Variants in CYP7B1 observed in about 807,000 individuals in gnomAD.
The protein encoded by CYP7B1 is cytochrome P450 family 7 subfamily B member 1.
CYP7B1 carries 29 observed loss-of-function variants against 42.7 expected under a neutral mutation model. The observed-to-expected ratio is 0.68, with a 90% CI of 0.51 to 0.93. The LOEUF is 0.93. Among genes scored for constraint, CYP7B1 ranks in the 40% least tolerant of loss-of-function variants. The probability of loss-of-function intolerance (pLI) is 0.00; values close to 1 mark genes in which losing one functional copy is unlikely to be tolerated. For synonymous variants in CYP7B1, 235 were observed against 218.2 expected (o/e 1.08, Z -0.68); for missense variants, 655 against 600.5 (o/e 1.09, Z -0.95).
At chr8:64,698,598 A>T (rs1325595731) in intron 1 of CYP7B1, among the ~76,000 whole-genome samples, 1 of 152,192 alleles carries the variant, frequency 6.6e-6, no homozygotes, top group Non-Finnish European at 1.5e-5. Context: ...AGGACAACAT[A>T]TTCAATATGC....
chr8:64,616,731 A>C (rs1354260711), intron 2 of CYP7B1, among the ~76,000 whole-genome samples: 3 of 152,226 alleles, frequency 2.0e-5, no homozygotes, highest in Admixed American at 2.0e-4. Flanking sequence ...TTTTGTTCAA[A>C]TACAACAATT....
At chr8:64,628,055 C>G (rs1805634998) in intron 1 of CYP7B1, among the ~76,000 whole-genome samples, 1 of 152,110 alleles carries the variant, frequency 6.6e-6, no homozygotes, top group Non-Finnish European at 1.5e-5. Flanking sequence ...GATCAAGTTT[C>G]AAAACTTAAA....
chr8:64,768,038 T>A (rs10957324), intron 1 of CYP7B1, among the ~76,000 whole-genome samples: 47,167 of 151,964 alleles, frequency 0.31, 10,064 homozygotes, highest in African/African-American at 0.61. Flanking sequence ...GGTGACTAAG[T>A]GATGGGACTA....
intron 1 of CYP7B1, among the ~76,000 whole-genome samples, chr8:64,663,858 C>T (rs369739774): frequency 1.2e-3 from 180 of 152,304 alleles, no homozygotes; most frequent in African/African-American, 4.0e-3. Flanking sequence ...CCTTGCCACT[C>T]GGCCTTTTCC....
chr8:64,643,745 C>G (rs1805903667), intron 1 of CYP7B1, among the ~76,000 whole-genome samples: 1 of 152,158 alleles, frequency 6.6e-6, no homozygotes, highest in Non-Finnish European at 1.5e-5. Context: ...ACCCTAAATC[C>G]TTTTTTGTAA....
chr8:64,797,585 G>A (rs1427090122), intron 1 of CYP7B1, among the ~76,000 whole-genome samples: 1 of 152,142 alleles, frequency 6.6e-6, no homozygotes, highest in African/African-American at 2.4e-5. Context: ...ATATTTGTAT[G>A]CAGTACAAAG....
intron 1 of CYP7B1, among the ~76,000 whole-genome samples, chr8:64,749,425 T>C (rs1353736706): frequency 6.6e-6 from 1 of 151,984 alleles, no homozygotes; most frequent in African/African-American, 2.4e-5. Context: ...ATGTAGAAAA[T>C]AGATTAGAAG....
At chr8:64,640,721 A>C (rs1235762438) in intron 1 of CYP7B1, among the ~76,000 whole-genome samples, 1 of 152,170 alleles carries the variant, frequency 6.6e-6, no homozygotes, top group Non-Finnish European at 1.5e-5. Flanking sequence ...GCATCAAATA[A>C]GCAAAAAATA....
intron 1 of CYP7B1, among the ~76,000 whole-genome samples, chr8:64,720,622 G>A (rs1455051666): frequency 6.6e-6 from 1 of 152,080 alleles, no homozygotes; most frequent in African/African-American, 2.4e-5. Flanking sequence ...AGCTCTTTAA[G>A]GTTGGCTATA....
chr8:64,687,330 C>T (rs551917726), intron 1 of CYP7B1, among the ~76,000 whole-genome samples: 65 of 152,238 alleles, frequency 4.3e-4, no homozygotes, highest in African/African-American at 1.5e-3. Flanking sequence ...TACAAAAGAC[C>T]ACACATTGTA....
intron 1 of CYP7B1, among the ~76,000 whole-genome samples, chr8:64,782,679 A>C (rs1273308601): frequency 6.6e-6 from 1 of 152,180 alleles, no homozygotes; most frequent in East Asian, 1.9e-4. Flanking sequence ...TTATGACAAA[A>C]CAGATGAAGT....
At position 64,752,395 on chromosome 8, in the gene CYP7B1, C is replaced by A. The variant is rs1422155772; in HGVS notation, c.122+46071G>T. Among the ~76,000 whole-genome samples, 6 of 148,280 alleles carry A rather than the reference C, an allele frequency of 4.0e-5. No homozygotes were observed. The East Asian group carries it at 1.2e-3, about 30-fold the overall frequency. On this transcript the variant is annotated intron_variant, in intron 1 of 5. Coordinates refer to ENST00000310193, the MANE Select transcript of CYP7B1 (RefSeq NM_004820.5). ...AATTGTGTGTGTGTATGTGCATGTG[C>A]GTGTGTGTGTGTGTGTGTGTGTGTG...
At chr8:64,713,749 C>T (rs1273303407) in intron 1 of CYP7B1, among the ~76,000 whole-genome samples, 2 of 152,008 alleles carry the variant, frequency 1.3e-5, no homozygotes, top group Non-Finnish European at 2.9e-5. Flanking sequence ...TAATTGGAAT[C>T]CCAGAAGGGA....
chr8:64,743,912 A>C (rs1807605262), intron 1 of CYP7B1, among the ~76,000 whole-genome samples: 1 of 152,208 alleles, frequency 6.6e-6, no homozygotes, highest in African/African-American at 2.4e-5. Flanking sequence ...AGAATCCAAT[A>C]ATAAATAAAG....
At position 64,787,624 on chromosome 8, in the gene CYP7B1, T is replaced by C. The variant is rs369924474; in HGVS notation, c.122+10842A>G. Among the ~76,000 whole-genome samples, 11 of 152,322 alleles carry C rather than the reference T, an allele frequency of 7.2e-5. No individual in the cohort carries two copies. The East Asian group carries it at 1.5e-3, about 21-fold the overall frequency. On this transcript the variant is annotated intron_variant, in intron 1 of 5. Transcript: ENST00000310193. ...AGAAGTTCCAAACTTTCCCACATTT[T>C]CCTGTATTTTTCTGAGCCTTCCAAA...
In CYP7B1 at chr8:64,616,170, C is replaced by T; in HGVS notation, c.371G>A (p.Ser124Asn). The T allele has an allele frequency of 1.2e-6, 2 of 1,612,684 alleles. No homozygotes were observed. Among genetic ancestry groups the T allele is most frequent in the Non-Finnish European group, 1.7e-6 (2 of 1,179,344 alleles). Residue 124 changes from serine (S) to asparagine (N), a missense_variant, in exon 3 of 6, where the codon AGC (serine) becomes AAC (asparagine). Physicochemically the swap from Ser to Asn is conservative, Grantham distance 46. Transcript: ENST00000310193. ...FSNKLLEKAF[S>N]ISQLQKNHDM... Reference sequence around the variant, plus strand: ...ATGATTTTTTTGCAACTGACTGATGCTAAATGCTTTCTCTAATAATTTATT... The same window carrying T: ...ATGATTTTTTTGCAACTGACTGATGTTAAATGCTTTCTCTAATAATTTATT...
At chr8:64,685,968 T>C (rs1585855092) in intron 1 of CYP7B1, among the ~76,000 whole-genome samples, 1 of 24,818 alleles carries the variant, frequency 4.0e-5, no homozygotes. Flanking sequence ...TTCCGGGAGG[T>C]GAGGGGCGCC....
At chr8:64,739,800 T>C (rs899296396) in intron 1 of CYP7B1, among the ~76,000 whole-genome samples, 5 of 152,098 alleles carry the variant, frequency 3.3e-5, no homozygotes, top group African/African-American at 1.2e-4. Context: ...GAGAAAATCT[T>C]GAAAGAAACC....
chr8:64,738,781 C>A (rs1563410596), intron 1 of CYP7B1, among the ~76,000 whole-genome samples: 1 of 152,150 alleles, frequency 6.6e-6, no homozygotes, highest in Non-Finnish European at 1.5e-5. Context: ...CCAGGCTAAT[C>A]CAAAGAGTTG....
Sources: allele counts gnomAD v4.1 joint callset (sites outside exome capture counted in the v4.1 genomes callset), GRCh38; gene constraint gnomAD v4.1.1; transcripts MANE v1.5; gene names NCBI Gene and HGNC (gene_info 2026-07-23, HGNC 2026-07-21).